AHNAK: variants seen among roughly 807,000 people sequenced by gnomAD.
The protein encoded by AHNAK is AHNAK nucleoprotein.
Under a neutral mutation model 37.8 loss-of-function variants are expected in AHNAK, and 23 were observed. That is an observed-to-expected ratio of 0.61 (90% CI 0.44 to 0.86). The LOEUF is 0.86. Ranked by LOEUF, AHNAK falls within the 40% of genes least tolerant of loss-of-function variation. The pLI is 0.00. For synonymous variants in AHNAK, 2,481 were observed against 2,636.3 expected, an observed-to-expected ratio of 0.94 and a Z score of 1.80; for missense variants, 7,411 against 7,319.4, an observed-to-expected ratio of 1.01 and a Z score of -0.46.
At chr11:62,473,081 T>A (rs1220425717) in intron 5 of AHNAK, among the ~76,000 whole-genome samples, 1 of 58,498 alleles carries the variant, frequency 1.7e-5, no homozygotes. Context: ...CAAGACTCCA[T>A]CTCAAAAAAA....
At chr11:62,540,643 CT>C (rs1941091642) in intron 1 of AHNAK, among the ~76,000 whole-genome samples, 2 of 152,088 alleles carry the variant, frequency 1.3e-5, no homozygotes. Context: ...AACCCTATCT[CT>C]ATAAAAAATA....
At position 62,526,636 on chromosome 11, in the gene AHNAK, T is replaced by G; in HGVS notation, c.7781A>C (p.Lys2594Thr). The G allele has an allele frequency of 6.2e-7, 1 of 1,613,440 alleles. No homozygotes were observed. Among genetic ancestry groups the G allele is most frequent in the African/African-American group, 1.3e-5 (1 of 74,742 alleles). ...GGGCAGAGAAACATCCACATCGCCC[T>G]TCACCTTGGGACCTTTCAGATGCAA... ...FDLHLKGPKV[K>T]GDVDVSLPKV... Residue 2594 changes from lysine (K) to threonine (T), a missense_variant, in exon 5 of 5, where the codon AAG becomes ACG. Transcript: ENST00000378024.
At chr11:62,455,164 C>A (rs1938629621) in intron 5 of AHNAK, among the ~76,000 whole-genome samples, 1 of 151,572 alleles carries the variant, frequency 6.6e-6, no homozygotes, top group Non-Finnish European at 1.5e-5. Flanking sequence ...AACTCCTGAC[C>A]TCAGGTGATC....
In AHNAK at chr11:62,519,922, A is replaced by G. The variant is rs1940168481; in HGVS notation, c.14495T>C (p.Leu4832Pro). 1.2e-6 allele frequency: 2 copies of G among 1,613,786 alleles called. No individual in the cohort carries two copies. The highest frequency in any genetic ancestry group is 1.7e-6 in the Non-Finnish European group (2 of 1,179,904). The change falls in exon 5 of 5, where the codon CTG becomes CCG. Residue 4832 changes from leucine (L) to proline (P), a missense_variant. Physicochemically the swap from Leu to Pro is moderately conservative, Grantham distance 98. Transcript: ENST00000378024. Reference protein sequence around the residue: ...DVNIEGPDAKLKGPKFKMPEI... With the variant: ...DVNIEGPDAKPKGPKFKMPEI... ...AGGCATCTTGAACTTGGGGCCCTTC[A>G]GTTTTGCGTCTGGACCTTCGATATT...
In AHNAK at chr11:62,532,873, T is replaced by G; in HGVS notation, c.1544A>C (p.Lys515Thr). 6.2e-7 allele frequency: 1 copy of G among 1,614,058 alleles called. No homozygotes were observed. The highest frequency in any genetic ancestry group is 8.5e-7 in the Non-Finnish European group (1 of 1,180,008). Residue 515 changes from lysine to threonine, a missense_variant, in exon 5 of 5, where the codon AAA becomes ACA. Physicochemically the swap from Lys to Thr is moderately conservative, Grantham distance 78. Transcript: ENST00000378024. ...VDLSLGSPKL[K>T]GDIKVSAPGV... ...AGGAGCAGAAACCTTAATATCTCCT[T>G]TCAGTTTAGGAGACCCAAGGCTCAG... is the stretch of plus-strand genomic sequence containing the variant.
Position 62,527,300 on chromosome 11 carries a change from TAGG to T in AHNAK, c.7114_7116del (p.Pro2372del). The T allele has an allele frequency of 1.9e-6, 3 of 1,613,842 alleles. No homozygotes were observed. In the Admixed American group the frequency reaches 5.0e-5, roughly 27 times the overall value. On this transcript the variant is annotated inframe_deletion, in exon 5 of 5. Coordinates refer to ENST00000378024, the MANE Select transcript of AHNAK (RefSeq NM_001620.3). ...AAGTGCATATCTGGCATCTTGAACT[TAGG>T]AGTTTTCCACTTGCCATTTGGGCCT...
At position 62,543,093 on chromosome 11, in the gene AHNAK, G is replaced by A. The variant is rs117000813; in HGVS notation, c.-100+3567C>T. Among the ~76,000 whole-genome samples the A allele has an allele frequency of 5.4e-3, 827 of 152,190 alleles. 5 individuals are homozygous for A. The highest frequency in any genetic ancestry group is 0.014 in the Middle Eastern group (4 of 294). On this transcript the variant is annotated intron_variant, in intron 1 of 4. Coordinates refer to ENST00000378024, the MANE Select transcript of AHNAK (RefSeq NM_001620.3). ...CCCCAGAACCTCCGCTCCAGCCCCC[G>A]GGGGACCGGGCAGGATGCCCCTCCC...
rs1409862161 is a variant in AHNAK, at chr11:62,522,985, T to C, written c.11432A>G (p.Lys3811Arg). Residue 3811 changes from lysine (K) to arginine (R), a missense_variant, in exon 5 of 5, where the codon AAG (lysine) becomes AGG (arginine). Coordinates refer to ENST00000378024, the MANE Select transcript of AHNAK (RefSeq NM_001620.3). ...HLKMPKVKMPKFSMPGFKGEG... is the reference protein window; with the variant it reads ...HLKMPKVKMPRFSMPGFKGEG... Reference sequence around the variant, plus strand: ...TCCTTTGAAGCCAGGCATGCTGAACTTGGGCATTTTCACCTTGGGCATCTT... The same window carrying C: ...TCCTTTGAAGCCAGGCATGCTGAACCTGGGCATTTTCACCTTGGGCATCTT... 6.2e-7 allele frequency: 1 copy of C among 1,613,704 alleles called. No homozygotes were observed. The highest frequency in any genetic ancestry group is 1.3e-5 in the African/African-American group (1 of 74,770).
At chr11:62,442,837 C>T (rs919690542) in intron 5 of AHNAK, among the ~76,000 whole-genome samples, 34 of 151,434 alleles carry the variant, frequency 2.2e-4, no homozygotes, top group African/African-American at 7.3e-4. Flanking sequence ...CACTGCACTC[C>T]AGCCTGGGCA....
chr11:62,497,105 C>T (rs1305947807), intron 4 of AHNAK, among the ~76,000 whole-genome samples: 5 of 152,112 alleles, frequency 3.3e-5, no homozygotes, highest in African/African-American at 1.2e-4. Flanking sequence ...ATCCAGACTG[C>T]GGTATCATTC....
intron 5 of AHNAK, among the ~76,000 whole-genome samples, chr11:62,489,119 T>C (rs1939451623): frequency 6.6e-6 from 1 of 152,026 alleles, no homozygotes; most frequent in South Asian, 2.1e-4. Context: ...TGCATGCCTG[T>C]AATCCCAATT....
rs1353909321 is a variant in AHNAK, at chr11:62,484,052, A to AAAAT, written c.442+7679_442+7680insATTT. On this transcript the variant is annotated intron_variant, in intron 5 of 5. Transcript: ENST00000257247. The stretch of plus-strand genomic sequence containing the variant: ...ACTCCATCTCAAAAAAAAAAAAAAA[A>AAAAT]AAAAGAAAGGGCATGCATAGAGCAG... Among the ~76,000 whole-genome samples the AAAAT allele has an allele frequency of 7.9e-4, 119 of 150,678 alleles. No homozygotes were observed. In the Middle Eastern group the frequency reaches 0.01, roughly 13 times the overall value.
chr11:62,539,755 G>A (rs1214392011), intron 1 of AHNAK, among the ~76,000 whole-genome samples: 1 of 152,238 alleles, frequency 6.6e-6, no homozygotes, highest in African/African-American at 2.4e-5. Flanking sequence ...GCTGCAGGTT[G>A]GCCCTGGCAG....
At position 62,541,655 on chromosome 11, in the gene AHNAK, T is replaced by C. The variant is rs1246333261; in HGVS notation, c.-100+5005A>G. ...CAGAGCGCTCTGATGTGCCAGGGAC[T>C]GTGTTGGCAACATCCCATGCCTGGG... On this transcript the variant is annotated intron_variant, in intron 1 of 4. Coordinates refer to ENST00000378024, the MANE Select transcript of AHNAK (RefSeq NM_001620.3). Among the ~76,000 whole-genome samples the C allele has an allele frequency of 9.2e-5, 14 of 152,314 alleles. No homozygotes were observed. In the South Asian group the frequency reaches 2.7e-3, roughly 29 times the overall value.
chr11:62,498,262 G>A (rs1939648455), intron 4 of AHNAK, among the ~76,000 whole-genome samples: 2 of 152,060 alleles, frequency 1.3e-5, no homozygotes. Flanking sequence ...AATGCATTGA[G>A]CAAAGTCTAC....
intron 3 of AHNAK, among the ~76,000 whole-genome samples, chr11:62,535,664 G>A (rs1271225829): frequency 6.6e-6 from 1 of 151,074 alleles, no homozygotes; most frequent in Non-Finnish European, 1.5e-5. Context: ...AAAAAAAAAG[G>A]CCAACTCATT....
downstream of AHNAK, among the ~76,000 whole-genome samples, chr11:62,512,007 C>G (rs1303096200): frequency 6.6e-6 from 1 of 152,142 alleles, no homozygotes; most frequent in Non-Finnish European, 1.5e-5. This position sits in a 1 kb window ranked among gnomAD's most constrained non-coding sequence, Gnocchi z 4.0. Flanking sequence ...CACCACCACG[C>G]CCAGCTAATT....
rs1160975672 is a variant in AHNAK at position 62,518,164 on chromosome 11, G to T, written c.16253C>A (p.Ser5418Tyr). The T allele has an allele frequency of 6.2e-7, 1 of 1,614,154 alleles. No homozygotes were observed. The highest frequency in any genetic ancestry group is 2.2e-5 in the East Asian group (1 of 44,868). The change falls in exon 5 of 5, where the codon TCC becomes TAC. Residue 5418 changes from serine (S) to tyrosine (Y), a missense_variant. By Grantham distance (144) the Ser-to-Tyr change is moderately radical. Coordinates refer to ENST00000378024, the MANE Select transcript of AHNAK (RefSeq NM_001620.3). Reference sequence around the variant, plus strand: ...CCCCTTGGCATTGACGTGCAAGTCGGACCCCGGAGTAGAGATGCCAAATTG... The same window carrying T: ...CCCCTTGGCATTGACGTGCAAGTCGTACCCCGGAGTAGAGATGCCAAATTG... ...LPQFGISTPGSDLHVNAKGPQ... is the reference protein window; with the variant it reads ...LPQFGISTPGYDLHVNAKGPQ...
rs1339394301 is a variant in AHNAK, at chr11:62,469,336, G to T, written c.442+22396C>A. 2.6e-5 allele frequency among the ~76,000 whole-genome samples: 4 copies of T among 152,248 alleles called. No individual in the cohort carries two copies. In the East Asian group the frequency reaches 7.7e-4, roughly 29 times the overall value. On this transcript the variant is annotated intron_variant, in intron 5 of 5. Transcript: ENST00000257247. The stretch of plus-strand genomic sequence containing the variant: ...GATGTTTCACCATGTTGGCCAGGCT[G>T]GTCTTGAATTCCTGTCCTCAAGTGA...
Sources: gnomAD v4.1 joint callset for allele counts (sites outside exome capture counted in the v4.1 genomes callset) on GRCh38, gnomAD v4.1.1 for gene constraint, Gnocchi (gnomAD v3.1) non-coding constraint, MANE v1.5 for transcripts, NCBI Gene and HGNC (gene_info 2026-07-23, HGNC 2026-07-21) for gene names.